The following DPF3 variants were observed in gnomAD, a reference collection of about 807,000 sequenced individuals.
DPF3 encodes the protein double PHD fingers 3.
In DPF3, 18 loss-of-function variants were observed where a neutral mutation model predicts 56.8. The observed-to-expected ratio is 0.32, with a 90% CI of 0.22 to 0.47. The LOEUF (loss-of-function observed/expected upper bound fraction) is 0.47, where lower values mean the gene tolerates loss of function less well. DPF3 is among the 20% of genes least tolerant of loss of function. The probability of loss-of-function intolerance (pLI) is 1.00; values close to 1 mark genes in which losing one functional copy is unlikely to be tolerated. For missense variants in DPF3, 403 were observed against 488.8 expected, an observed-to-expected ratio of 0.82 and a Z score of 1.65; for synonymous variants, 188 against 180.2, an observed-to-expected ratio of 1.04 and a Z score of -0.35.
At position 72,609,649 on chromosome 14, in the gene DPF3, G is replaced by A. The variant is rs566459401; in HGVS notation, c.*9648C>T. The stretch of plus-strand genomic sequence containing the variant: ...CACATCCCCAGAGGACAGAGGACAA[G>A]GGTGGCACACACACCTACAGAGACC... On this transcript the variant is annotated 3_prime_UTR_variant, in exon 11 of 11. Coordinates refer to ENST00000556509, the MANE Select transcript of DPF3 (RefSeq NM_001280542.3). Among the ~76,000 whole-genome samples, 7 of 152,326 alleles carry A rather than the reference G, an allele frequency of 4.6e-5. No homozygotes were observed. The highest frequency in any genetic ancestry group is 7.3e-5 in the Non-Finnish European group (5 of 68,030).
At chr14:72,871,989 C>A (rs1233335489) in intron 1 of DPF3, among the ~76,000 whole-genome samples, 2 of 152,230 alleles carry the variant, frequency 1.3e-5, no homozygotes, top group Non-Finnish European at 2.9e-5. Flanking sequence ...GGCATCCAGG[C>A]GTTTCCATAC....
At chr14:72,765,763 C>T (rs978694758) in intron 2 of DPF3, among the ~76,000 whole-genome samples, 7 of 152,180 alleles carry the variant, frequency 4.6e-5, no homozygotes, top group African/African-American at 9.6e-5. Context: ...CTGGCTAACA[C>T]GGTGAAACCC....
intron 1 of DPF3, among the ~76,000 whole-genome samples, chr14:72,873,208 A>C (rs2140113963): frequency 6.6e-6 from 1 of 151,394 alleles, no homozygotes; most frequent in Non-Finnish European, 1.5e-5. Flanking sequence ...TCTACAATGA[A>C]CTCAAACAAA....
intron 1 of DPF3, among the ~76,000 whole-genome samples, chr14:72,887,750 G>T (rs1218142377): frequency 1.3e-5 from 2 of 152,164 alleles, no homozygotes; most frequent in East Asian, 1.9e-4. Context: ...GGAGCTCAAG[G>T]CTTGGGATTC....
intron 8 of DPF3, among the ~76,000 whole-genome samples, chr14:72,643,093 T>C (rs1599324310): frequency 3.3e-5 from 5 of 152,292 alleles, no homozygotes; most frequent in Admixed American, 3.3e-4. Context: ...TAGTGGAACA[T>C]CCATGTCTTC....
intron 1 of DPF3, among the ~76,000 whole-genome samples, chr14:72,842,090 G>GAA (rs397952214): frequency 1.5e-3 from 178 of 117,512 alleles, no homozygotes; most frequent in Admixed American, 1.8e-3. Flanking sequence ...CTGTCTCTAA[G>GAA]AAAAAAAAAA....
rs774292200 is a variant in DPF3, at chr14:72,620,914, G to A, written c.985-930C>T. Among the ~76,000 whole-genome samples the A allele has an allele frequency of 5.3e-5, 8 of 152,338 alleles. No individual in the cohort carries two copies. In the South Asian group the frequency reaches 6.2e-4, roughly 12 times the overall value. ...CCAGCACTTAGGGAGGCCAAGGCGC[G>A]TGGTTCACTTGAGGTCTGGAGTTCG... On this transcript the variant is annotated intron_variant, in intron 9 of 10. Coordinates refer to ENST00000556509, the MANE Select transcript of DPF3 (RefSeq NM_001280542.3).
intron 7 of DPF3, among the ~76,000 whole-genome samples, chr14:72,678,444 C>CTGTTTAT (rs1887010185): frequency 6.6e-6 from 1 of 152,196 alleles, no homozygotes; most frequent in Non-Finnish European, 1.5e-5. Context: ...CTGGGTGATC[C>CTGTTTAT]TGTTTATTGT....
intron 2 of DPF3, among the ~76,000 whole-genome samples, chr14:72,758,924 C>T (rs1304244786): frequency 6.6e-6 from 1 of 152,114 alleles, no homozygotes; most frequent in Non-Finnish European, 1.5e-5. Flanking sequence ...ATGTGAGGCA[C>T]CCAACCCAAA....
At chr14:72,693,520 G>A (rs190356181) in intron 6 of DPF3, among the ~76,000 whole-genome samples, 154 of 152,292 alleles carry the variant, frequency 1.0e-3, no homozygotes, top group African/African-American at 3.3e-3. Flanking sequence ...AGTTTCTTCC[G>A]AGATAAAATG....
At chr14:72,646,802 G>A (rs769008522) in intron 8 of DPF3, among the ~76,000 whole-genome samples, 1 of 152,180 alleles carries the variant, frequency 6.6e-6, no homozygotes, top group South Asian at 2.1e-4. Context: ...TTGGCGACCC[G>A]GCTGCTCTCA....
chr14:72,865,742 C>T (rs905045651), intron 1 of DPF3, among the ~76,000 whole-genome samples: 7 of 152,144 alleles, frequency 4.6e-5, no homozygotes, highest in Non-Finnish European at 7.4e-5. Context: ...TATGTCCTTG[C>T]CACTGAATTG....
At chr14:72,622,015 A>G (rs1442314614) in intron 9 of DPF3, among the ~76,000 whole-genome samples, 7 of 152,210 alleles carry the variant, frequency 4.6e-5, no homozygotes, top group Non-Finnish European at 7.3e-5. Flanking sequence ...CTTGGGATTC[A>G]TTGTAATTAG....
chr14:72,851,982 C>T (rs975345404), intron 1 of DPF3, among the ~76,000 whole-genome samples: 1 of 152,218 alleles, frequency 6.6e-6, no homozygotes, highest in East Asian at 1.9e-4. Context: ...TCAATTAATC[C>T]TCAAAAGACG....
At chr14:72,761,309 A>G (rs1239862779) in intron 2 of DPF3, among the ~76,000 whole-genome samples, 1 of 152,138 alleles carries the variant, frequency 6.6e-6, no homozygotes, top group Admixed American at 6.5e-5. Flanking sequence ...ACCAAGGTAG[A>G]CCACATTTGG....
intron 3 of DPF3, among the ~76,000 whole-genome samples, chr14:72,744,055 G>A (rs560393896): frequency 5.3e-5 from 8 of 152,286 alleles, no homozygotes; most frequent in African/African-American, 1.9e-4. Context: ...ATAGGTCCAG[G>A]GACACTGAGA....
chr14:72,863,144 A>ATG (rs1484840768), intron 1 of DPF3, among the ~76,000 whole-genome samples: 21 of 101,956 alleles, frequency 2.1e-4, no homozygotes, highest in Middle Eastern at 4.3e-3. Flanking sequence ...GTGTATATAT[A>ATG]TATGTGTGTG....
At chr14:72,776,415 C>G (rs1374066333) in intron 1 of DPF3, among the ~76,000 whole-genome samples, 1 of 152,088 alleles carries the variant, frequency 6.6e-6, no homozygotes, top group Non-Finnish European at 1.5e-5. Flanking sequence ...CTTCTGTGAT[C>G]CCATCTGAAT....
intron 3 of DPF3, among the ~76,000 whole-genome samples, chr14:72,747,317 T>C (rs1349323630): frequency 2.0e-5 from 3 of 152,148 alleles, no homozygotes; most frequent in African/African-American, 7.2e-5. Flanking sequence ...ATCCCCTGGG[T>C]GGCAGCAATT....
Sources: gnomAD v4.1 joint callset for allele counts (sites outside exome capture counted in the v4.1 genomes callset) on GRCh38, gnomAD v4.1.1 for gene constraint, MANE v1.5 for transcripts, NCBI Gene and HGNC (gene_info 2026-07-23, HGNC 2026-07-21) for gene names.